The following INSC variants were observed in gnomAD, a reference collection of about 807,000 sequenced individuals.
INSC encodes protein inscuteable homolog.
Under a neutral mutation model 58.6 loss-of-function variants are expected in INSC, and 67 were observed. The observed-to-expected ratio is 1.14, with a 90% confidence interval of 0.94 to 1.40. INSC has a LOEUF of 1.40. Among genes scored for constraint, INSC ranks in the 40% most tolerant of loss-of-function variants. INSC has a pLI of 0.00. For synonymous variants in INSC, 262 were observed against 276.1 expected (o/e 0.95, Z 0.51); for missense variants, 714 against 692.0 (o/e 1.03, Z -0.36).
intron 1 of INSC, among the ~76,000 whole-genome samples, chr11:15,117,109 T>G (rs1255923857): frequency 1.3e-5 from 2 of 150,694 alleles, no homozygotes; most frequent in South Asian, 2.1e-4. Flanking sequence ...GCCCAGCTAA[T>G]TTTTGTATTT....
chr11:15,182,460 C>A (rs1026575249), intron 5 of INSC, among the ~76,000 whole-genome samples: 1 of 152,122 alleles, frequency 6.6e-6, no homozygotes, highest in African/African-American at 2.4e-5. Flanking sequence ...ACTATGTTTA[C>A]CATATATGGG....
chr11:15,235,531 A>T (rs1436563843), intron 9 of INSC, 71 bp from the exon 10 acceptor site: 1 of 1,178,924 alleles, frequency 8.5e-7, no homozygotes. Context: ...CCCCTGGCTG[A>T]CCTGTCTGTA....
chr11:15,113,145 C>CTTTCTTTCTTTCTTTCTTTCTTTCTT (rs200716197), upstream of INSC, among the ~76,000 whole-genome samples: 9 of 133,588 alleles, frequency 6.7e-5, no homozygotes, highest in Non-Finnish European at 1.1e-4. Context: ...TTCTTTCTTT[C>CTTTCTTTCTTTCTTTCTTTCTTTCTT]TGTCTCTCTC....
the INSC span, among the ~76,000 whole-genome samples, chr11:15,262,359 G>C: frequency 4.4e-4 from 67 of 152,114 alleles, no homozygotes; most frequent in South Asian, 4.0e-3. Context: ...TACCATAAAG[G>C]CATTTGATAA....
At position 15,154,158 on chromosome 11, in the gene INSC, G is replaced by A. The variant is rs184969449; in HGVS notation, c.56+4928G>A. 7.2e-5 allele frequency among the ~76,000 whole-genome samples: 11 copies of A among 152,292 alleles called. No homozygotes were observed. The East Asian group carries it at 2.1e-3, about 29-fold the overall frequency. ...GGCCTAAGGGCTAAATTCATATTTG[G>A]TTCATATTTATGCTCCTGACTATGA... is the stretch of plus-strand genomic sequence containing the variant. On this transcript the variant is annotated intron_variant, in intron 2 of 12. Transcript: ENST00000379556.
At chr11:15,142,906 G>A (rs998007348) in intron 1 of INSC, among the ~76,000 whole-genome samples, 4 of 148,136 alleles carry the variant, frequency 2.7e-5, no homozygotes, top group Admixed American at 6.7e-5. Context: ...GGTGTAGAGC[G>A]CTTTCAACGC....
At chr11:15,221,799 A>G in intron 8 of INSC, 151 bp downstream of exon 8, 1 of 723,804 alleles carries the variant, frequency 1.4e-6, no homozygotes, top group Non-Finnish European at 2.2e-6. Context: ...CCCACAATTA[A>G]TGGATCTGAA....
chr11:15,121,136 G>A (rs928509886), intron 1 of INSC, among the ~76,000 whole-genome samples: 3 of 151,754 alleles, frequency 2.0e-5, no homozygotes, highest in South Asian at 2.1e-4. Context: ...CCCCTATATC[G>A]TTAAGTATAT....
chr11:15,112,201 G>A (rs1052414858), upstream of INSC, among the ~76,000 whole-genome samples: 13 of 152,210 alleles, frequency 8.5e-5, no homozygotes, highest in African/African-American at 3.1e-4. Context: ...AGCTAGGGCC[G>A]GCGCCGGGGA....
At position 15,178,405 on chromosome 11, in the gene INSC, C is replaced by G; in HGVS notation, c.537C>G (p.His179Gln). Residue 179 changes from histidine (H) to glutamine (Q), a missense_variant, in exon 5 of 13, where the codon CAC becomes CAG. Coordinates refer to ENST00000379556, the MANE Select transcript of INSC (RefSeq NM_001042536.3). The part of the protein sequence containing the change: ...VSETLSMLGQ[H>Q]FGQLLELALT... ...AGACCCTGAGCATGCTGGGCCAGCA[C>G]TTTGGTCAGCTGCTGGAGCTGGCCC... 1 of 1,613,432 alleles carries G rather than the reference C, an allele frequency of 6.2e-7. No individual in the cohort carries two copies. The highest frequency in any genetic ancestry group is 2.2e-5 in the East Asian group (1 of 44,864).
chr11:15,256,404 T>A, the INSC span, among the ~76,000 whole-genome samples: 2 of 152,292 alleles, frequency 1.3e-5, no homozygotes, highest in East Asian at 3.9e-4. Context: ...TCTTGAGAAA[T>A]GTATCACATA....
At chr11:15,208,283 A>G (rs1422657073) in intron 7 of INSC, among the ~76,000 whole-genome samples, 1 of 152,046 alleles carries the variant, frequency 6.6e-6, no homozygotes, top group Non-Finnish European at 1.5e-5. Flanking sequence ...ACCCCCAAAC[A>G]CTAGCCTTCA....
intron 1 of INSC, among the ~76,000 whole-genome samples, chr11:15,140,842 C>T (rs1169658666): frequency 1.3e-5 from 2 of 152,086 alleles, no homozygotes; most frequent in African/African-American, 4.8e-5. Context: ...GCCTCGGTCT[C>T]TCAAAGTGCT....
chr11:15,266,018 G>A, the INSC span, among the ~76,000 whole-genome samples: 1 of 151,716 alleles, frequency 6.6e-6, no homozygotes. Flanking sequence ...AAAGTCCATT[G>A]AGCCTGAGAC....
At chr11:15,158,860 G>GTTTTTTTTTTTTTTTTTTTTTTTTTTT (rs529518368) in intron 2 of INSC, among the ~76,000 whole-genome samples, 5 of 109,706 alleles carry the variant, frequency 4.6e-5, no homozygotes, top group African/African-American at 1.4e-4. Flanking sequence ...ATTGTTGGTG[G>GTTTTTTTTTTTTTTTTTTTTTTTTTTT]TTTTTTTTTT....
At chr11:15,206,108 C>A (rs1850786621) in intron 7 of INSC, among the ~76,000 whole-genome samples, 1 of 152,224 alleles carries the variant, frequency 6.6e-6, no homozygotes, top group East Asian at 1.9e-4. Flanking sequence ...TCTGACATCA[C>A]TCCTCATTCC....
In INSC at chr11:15,235,672, T is replaced by C; in HGVS notation, c.1237+4T>C. ...TCTGACATCATTCAGGAAAATGGTATGTCTTTGCAGCATTGTACATGTTAT... is the reference window on the plus strand; with the variant it reads ...TCTGACATCATTCAGGAAAATGGTACGTCTTTGCAGCATTGTACATGTTAT... On this transcript the variant is annotated splice_donor_region_variant and intron_variant, in intron 10 of 12. Coordinates refer to ENST00000379556, the MANE Select transcript of INSC (RefSeq NM_001042536.3). The C allele has an allele frequency of 1.9e-6, 3 of 1,611,102 alleles. No individual in the cohort carries two copies. Among genetic ancestry groups the C allele is most frequent in the Non-Finnish European group, 1.7e-6 (2 of 1,177,294 alleles).
chr11:15,149,321 C>G, intron 2 of INSC, 91 bp downstream of exon 2: 1 of 1,255,574 alleles, frequency 8.0e-7, no homozygotes, highest in Non-Finnish European at 1.0e-6. Context: ...TGCAGGTGAC[C>G]CCATCTTCCC....
intron 9 of INSC, among the ~76,000 whole-genome samples, chr11:15,228,248 C>A (rs1469996103): frequency 2.0e-5 from 3 of 152,176 alleles, no homozygotes; most frequent in Non-Finnish European, 4.4e-5. Flanking sequence ...CCTCTTCCAT[C>A]TTGAACATCC....
Sources: allele counts gnomAD v4.1 joint callset (sites outside exome capture counted in the v4.1 genomes callset), GRCh38; gene constraint gnomAD v4.1.1; transcripts MANE v1.5; gene names NCBI Gene and HGNC (gene_info 2026-07-23, HGNC 2026-07-21).